The following SAMD15 variants were observed in gnomAD, a reference collection of about 807,000 sequenced individuals.
SAMD15 encodes the protein sterile alpha motif domain-containing protein 15.
SAMD15 carries 37 observed loss-of-function variants against 50.5 expected under a neutral mutation model. That is an observed-to-expected ratio of 0.73 (90% CI 0.56 to 0.96). The LOEUF (loss-of-function observed/expected upper bound fraction) is 0.96. Among genes scored for constraint, SAMD15 ranks in the 40% least tolerant of loss-of-function variants. The pLI is 0.00. For missense variants in SAMD15, 789 were observed against 783.8 expected (o/e 1.01, Z -0.08); for synonymous variants, 255 against 282.8 (o/e 0.90, Z 0.99).
Position 77,391,403 on chromosome 14 carries a change from A to G in SAMD15, c.*159A>G. On this transcript the variant is annotated 3_prime_UTR_variant, in exon 3 of 3. Coordinates refer to ENST00000216471, the MANE Select transcript of SAMD15 (RefSeq NM_001010860.4). ...GGCTGGAGTGCAATGGCACAGTCTC[A>G]GCTCACTGCAACCTTGCGATTCTCC... 9.6e-6 allele frequency: 5 copies of G among 523,062 alleles called. No homozygotes were observed. Among genetic ancestry groups the G allele is most frequent in the South Asian group, 5.9e-5 (2 of 33,994 alleles). 32.4% of individuals were successfully genotyped at this position (523,062 alleles called of 1,614,324 possible).
In SAMD15 at chr14:77,384,814, G is replaced by T. The variant is rs1226262548; in HGVS notation, c.1788+4333G>T. Among the ~76,000 whole-genome samples the T allele has an allele frequency of 3.9e-5, 6 of 152,128 alleles. 1 individual carries two copies. Among genetic ancestry groups the T allele is most frequent in the Admixed American group, 3.9e-4 (6 of 15,268 alleles). On this transcript the variant is annotated intron_variant, in intron 2 of 2. Transcript: ENST00000216471. ...TAACAGAAAGATCTAGGAAATAAAT[G>T]TATATATACTAACCCATGTGTACAC...
intron 2 of SAMD15, among the ~76,000 whole-genome samples, chr14:77,385,277 CT>C (rs111704350): frequency 1.8e-3 from 269 of 150,718 alleles, no homozygotes; most frequent in African/African-American, 6.1e-3. Flanking sequence ...CCCCACTTGC[CT>C]TTTTTTTTCT....
intron 1 of SAMD15, 76 bp downstream of exon 1, chr14:77,379,183 C>T (rs1893913191): frequency 7.5e-7 from 1 of 1,337,124 alleles, no homozygotes; most frequent in Non-Finnish European, 1.0e-6. Flanking sequence ...TTGGCCTGAG[C>T]TCTTACCTCT....
rs776286491 is a variant in SAMD15 at position 77,391,262 on chromosome 14, G to T, written c.*18G>T. ...AACCATAGGGGAAATCCACTTCACA[G>T]AGCTTGAAAGATCAAACTAAATTAC... On this transcript the variant is annotated 3_prime_UTR_variant, in exon 3 of 3. Transcript: ENST00000216471. 3.4e-6 allele frequency: 5 copies of T among 1,468,560 alleles called. No homozygotes were observed. Among genetic ancestry groups the T allele is most frequent in the Non-Finnish European group, 4.7e-6 (5 of 1,056,578 alleles). 91.0% of individuals were successfully genotyped at this position (1,468,560 alleles called of 1,614,324 possible).
At chr14:77,379,746 C>A (rs1384043343) in intron 1 of SAMD15, among the ~76,000 whole-genome samples, 1 of 152,172 alleles carries the variant, frequency 6.6e-6, no homozygotes, top group African/African-American at 2.4e-5. Flanking sequence ...TCAAGGTAGG[C>A]TTTTTGGTAC....
Position 77,380,423 on chromosome 14 carries a change from T to C in SAMD15, c.1730T>C (p.Ile577Thr), listed in dbSNP as rs202127895. Residue 577 changes from isoleucine (I) to threonine (T), a missense_variant, in exon 2 of 3, where the codon ATT (isoleucine) becomes ACT (threonine). This residue lies in a region of SAMD15 where 770 missense variants were observed against 745.4 expected (regional missense o/e 1.03). Transcript: ENST00000216471. ...ITNFISGRKL[I>T]HVNCSNLPQM... ...AACTTCATCAGTGGCCGAAAACTCA[T>C]TCACGTCAACTGCTCAAACCTCCCT... The C allele has an allele frequency of 7.4e-5, 119 of 1,613,982 alleles. No homozygotes were observed. The highest frequency in any genetic ancestry group is 1.0e-4 in the Non-Finnish European group (118 of 1,179,890).
intron 2 of SAMD15, among the ~76,000 whole-genome samples, chr14:77,389,090 T>TAAAAC (rs71452846): frequency 5.3e-5 from 8 of 151,248 alleles, no homozygotes; most frequent in Non-Finnish European, 7.4e-5. Flanking sequence ...ACCCCATCTC[T>TAAAAC]AAAACAAAAC....
At chr14:77,390,928 C>G in intron 2 of SAMD15, 80 bp from the exon 3 acceptor site, 1 of 857,850 alleles carries the variant, frequency 1.2e-6, no homozygotes, top group South Asian at 1.6e-5. Flanking sequence ...ATTCAAGAGG[C>G]TTAGAAAACT....
chr14:77,384,363 A>G (rs547010498), intron 2 of SAMD15, among the ~76,000 whole-genome samples: 6 of 152,242 alleles, frequency 3.9e-5, no homozygotes, highest in African/African-American at 1.2e-4. Context: ...CAGCCCTTCT[A>G]TGTTTAATTG....
At chr14:77,386,880 T>A (rs1460445898) in intron 2 of SAMD15, among the ~76,000 whole-genome samples, 2 of 152,188 alleles carry the variant, frequency 1.3e-5, no homozygotes, top group Non-Finnish European at 2.9e-5. Context: ...GTTACAATGA[T>A]AATATAGTAA....
At position 77,377,755 on chromosome 14, in the gene SAMD15, A is replaced by G; in HGVS notation, c.337A>G (p.Arg113Gly). 1 of 1,614,218 alleles carries G rather than the reference A, an allele frequency of 6.2e-7. No individual in the cohort carries two copies. The highest frequency in any genetic ancestry group is 8.5e-7 in the Non-Finnish European group (1 of 1,180,040). The change falls in exon 1 of 3, where the codon AGA becomes GGA. Residue 113 changes from arginine to glycine, a missense_variant. Physicochemically the swap from Arg to Gly is moderately radical, Grantham distance 125. Around this residue, in one of 2 missense-constraint regions of SAMD15, gnomAD observed 770 missense variants for 745.4 expected, o/e 1.03. Coordinates refer to ENST00000216471, the MANE Select transcript of SAMD15 (RefSeq NM_001010860.4). ...IHQEVKSETS[R>G]EMGEFFKDLE... ...CCAAGAGGTAAAGTCGGAAACATCC[A>G]GAGAGATGGGAGAGTTTTTCAAAGA...
At chr14:77,389,431 T>C (rs976239570) in intron 2 of SAMD15, among the ~76,000 whole-genome samples, 1 of 151,648 alleles carries the variant, frequency 6.6e-6, no homozygotes, top group Non-Finnish European at 1.5e-5. Context: ...AGGCAGAATA[T>C]GAATTCAAAC....
chr14:77,388,566 A>G (rs1040485225), intron 2 of SAMD15, among the ~76,000 whole-genome samples: 1 of 148,356 alleles, frequency 6.7e-6, no homozygotes, highest in Non-Finnish European at 1.5e-5. Flanking sequence ...CAGGCATGCA[A>G]CTTCACGACT....
chr14:77,378,111 G>A lies in SAMD15; in HGVS notation c.693G>A (p.Gln231=), dbSNP rs1482588526. 10 of 1,613,734 alleles carry A rather than the reference G, an allele frequency of 6.2e-6. No individual in the cohort carries two copies. Among genetic ancestry groups the A allele is most frequent in the Non-Finnish European group, 8.5e-6 (10 of 1,179,990 alleles). The part of the protein sequence containing the change: ...LGESLEETDL[Q]PPKMTKPETP... ...AATCACTTGAAGAGACAGATCTTCA[G>A]CCACCAAAGATGACCAAACCAGAGA... Residue 231 remains glutamine, a synonymous_variant, in exon 1 of 3, where the codon CAG becomes CAA. Transcript: ENST00000216471.
intron 1 of SAMD15, 124 bp from the exon 2 acceptor site, chr14:77,380,259 A>T: frequency 1.5e-6 from 1 of 678,506 alleles, no homozygotes; most frequent in Non-Finnish European, 2.6e-6. Flanking sequence ...AAAAAGAAAA[A>T]ACAAAATAAT....
At chr14:77,382,086 G>A (rs1046855471) in intron 2 of SAMD15, among the ~76,000 whole-genome samples, 6 of 151,096 alleles carry the variant, frequency 4.0e-5, no homozygotes, top group East Asian at 1.9e-4. Context: ...ACAGGTGTGC[G>A]CAACCATGCC....
chr14:77,390,374 C>G (rs1165402359), intron 2 of SAMD15, among the ~76,000 whole-genome samples: 1 of 152,030 alleles, frequency 6.6e-6, no homozygotes, highest in Non-Finnish European at 1.5e-5. Flanking sequence ...TTCCCAGAGA[C>G]AGTCATGGCT....
chr14:77,378,605 A>G lies in SAMD15; in HGVS notation c.1187A>G (p.Gln396Arg). The stretch of plus-strand genomic sequence containing the variant: ...AACCCACAAGTTGAAGAGAAAACAC[A>G]AACAAAGCCAACTGAGAAAATTCTA... ...EINPQVEEKT[Q>R]TKPTEKILEL... is the part of the protein sequence containing the mutation. The change falls in exon 1 of 3, where the codon CAA becomes CGA. Residue 396 changes from glutamine to arginine, a missense_variant. Around this residue, in one of 2 missense-constraint regions of SAMD15, gnomAD observed 770 missense variants for 745.4 expected, o/e 1.03. Coordinates refer to ENST00000216471, the MANE Select transcript of SAMD15 (RefSeq NM_001010860.4). 6.2e-7 allele frequency: 1 copy of G among 1,613,750 alleles called. No homozygotes were observed. The highest frequency in any genetic ancestry group is 1.1e-5 in the South Asian group (1 of 91,028).
chr14:77,380,849 A>G (rs1168185098), intron 2 of SAMD15, among the ~76,000 whole-genome samples: 9 of 151,824 alleles, frequency 5.9e-5, no homozygotes, highest in East Asian at 1.9e-4. Context: ...GTACTATTCA[A>G]AAACCTTCTT....
Sources: gnomAD v4.1 joint callset for allele counts (sites outside exome capture counted in the v4.1 genomes callset) on GRCh38, gnomAD v4.1.1 for gene constraint, gnomAD v4.1.1 regional missense constraint, MANE v1.5 for transcripts, NCBI Gene and HGNC (gene_info 2026-07-23, HGNC 2026-07-21) for gene names.